The following BIRC3 variants were observed in gnomAD, a reference collection of about 807,000 sequenced individuals.
BIRC3 encodes baculoviral IAP repeat containing 3.
BIRC3 carries 26 observed loss-of-function variants against 59.0 expected under a neutral mutation model. That is an observed-to-expected ratio of 0.44 (90% CI 0.32 to 0.61). The LOEUF (loss-of-function observed/expected upper bound fraction) is 0.61, where lower values mean the gene tolerates loss of function less well. BIRC3 is among the 20% of genes least tolerant of loss of function. The probability of loss-of-function intolerance (pLI) is 0.04; values close to 1 mark genes in which losing one functional copy is unlikely to be tolerated. For missense variants in BIRC3, 641 were observed against 711.5 expected, an observed-to-expected ratio of 0.90 and a Z score of 1.13; for synonymous variants, 243 against 249.2, an observed-to-expected ratio of 0.98 and a Z score of 0.24.
At position 102,323,138 on chromosome 11, in the gene BIRC3, A is replaced by C. The variant is rs1591519578; in HGVS notation, c.-1372A>C. ...ACATTTAGAAAAACAAAAGTTCAAA[A>C]ATGTTTTCAGGAGGTGATAAGTTGA... On this transcript the variant is annotated 5_prime_UTR_variant, in exon 2 of 9. Transcript: ENST00000263464. 5.0e-6 allele frequency: 1 copy of C among 199,666 alleles called. No homozygotes were observed. Among genetic ancestry groups the C allele is most frequent in the Non-Finnish European group, 1.0e-5 (1 of 96,644 alleles). 12.4% of individuals were successfully genotyped at this position (199,666 alleles called of 1,614,324 possible). A position where few individuals can be genotyped will look rare whatever the true frequency, so the allele number is the denominator to read the frequency against.
chr11:102,330,087 A>G (rs1372777112), intron 5 of BIRC3, among the ~76,000 whole-genome samples: 3 of 152,216 alleles, frequency 2.0e-5, no homozygotes, highest in Non-Finnish European at 4.4e-5. Flanking sequence ...AGGACAATTA[A>G]CCCAGACTTG....
At chr11:102,330,226 C>T (rs953664956) in intron 5 of BIRC3, among the ~76,000 whole-genome samples, 1 of 152,106 alleles carries the variant, frequency 6.6e-6, no homozygotes. Flanking sequence ...ATATGAAAGA[C>T]CGAAGTGACA....
In BIRC3 at chr11:102,339,259, TG is replaced by T. The variant is rs1951231342; in HGVS notation, c.*2158del. The T allele has an allele frequency of 3.6e-5, 7 of 192,194 alleles. No individual in the cohort carries two copies. The highest frequency in any genetic ancestry group is 1.4e-4 in the African/African-American group (6 of 43,024). The allele number at this position is 192,194 out of a possible 1,614,324, so 11.9% of individuals were successfully genotyped here. On this transcript the variant is annotated 3_prime_UTR_variant, in exon 9 of 9. Transcript: ENST00000263464. ...TATACTACAGATAATATTTGAACTT[TG>T]TCATCTCACTGTAAAACTTTTGTTC...
At chr11:102,319,237 G>A (rs948048248) in intron 1 of BIRC3, among the ~76,000 whole-genome samples, 3 of 151,600 alleles carry the variant, frequency 2.0e-5, no homozygotes, top group Non-Finnish European at 2.9e-5. Context: ...TAGTAGAGAC[G>A]GGGTTTCACC....
chr11:102,320,430 G>A (rs186943599), intron 1 of BIRC3: 1 of 152,036 alleles, frequency 6.6e-6, no homozygotes, highest in Non-Finnish European at 1.5e-5. Context: ...GCTAATTTTT[G>A]AGTTTCTTTG....
At position 102,323,059 on chromosome 11, in the gene BIRC3, A is replaced by C. The variant is rs906427685; in HGVS notation, c.-1451A>C. On this transcript the variant is annotated 5_prime_UTR_variant, in exon 2 of 9. It removes the in-frame stop codon of an upstream open reading frame in the 5' UTR. Transcript: ENST00000263464. Reference sequence around the variant, plus strand: ...TACAGATGGCATCTGGTAACTTTTGACTGTTTTAAAAAATAAATCCACTAT... The same window carrying C: ...TACAGATGGCATCTGGTAACTTTTGCCTGTTTTAAAAAATAAATCCACTAT... The C allele has an allele frequency of 1.0e-5, 2 of 198,120 alleles. No individual in the cohort carries two copies. The highest frequency in any genetic ancestry group is 2.1e-5 in the Non-Finnish European group (2 of 95,726). The allele number at this position is 198,120 out of a possible 1,614,324, so 12.3% of individuals were successfully genotyped here.
intron 1 of BIRC3, among the ~76,000 whole-genome samples, chr11:102,319,408 G>A (rs544551273): frequency 2.6e-5 from 4 of 152,246 alleles, no homozygotes; most frequent in African/African-American, 9.6e-5. Flanking sequence ...ATGGTTATGT[G>A]AAAGGAAAAA....
rs1229888935 is a variant in BIRC3, at chr11:102,318,475, C to T, written c.-2674+904C>T. Among the ~76,000 whole-genome samples the T allele has an allele frequency of 3.3e-5, 5 of 152,202 alleles. No individual in the cohort carries two copies. In the East Asian group the frequency reaches 9.6e-4, roughly 29 times the overall value. ...CTTCAACGGGAAGTCTTCGTGTCTACCCCATATACCAAGCTCTGCAGATGC... is the reference window on the plus strand; with the variant it reads ...CTTCAACGGGAAGTCTTCGTGTCTATCCCATATACCAAGCTCTGCAGATGC... On this transcript the variant is annotated intron_variant, in intron 1 of 8. Transcript: ENST00000263464.
intron 6 of BIRC3, 30 bp downstream of exon 6, chr11:102,331,271 T>C: frequency 1.3e-6 from 2 of 1,572,300 alleles, no homozygotes; most frequent in Middle Eastern, 1.8e-4. Context: ...CAGTCTATTT[T>C]CATAAGGATT....
rs758591132 is a variant in BIRC3 at position 102,330,993 on chromosome 11, A to G, written c.1082-6A>G. Reference sequence around the variant, plus strand: ...TAATATGTGTTAAATTCTTTGTTCCATATAGTTATCCATTTTGAACCTGGA... The same window carrying G: ...TAATATGTGTTAAATTCTTTGTTCCGTATAGTTATCCATTTTGAACCTGGA... On this transcript the variant is annotated splice_polypyrimidine_tract_variant and splice_region_variant and intron_variant, in intron 5 of 8. Transcript: ENST00000263464. The G allele has an allele frequency of 1.2e-5, 19 of 1,607,138 alleles. No individual in the cohort carries two copies. In the Admixed American group the frequency reaches 1.5e-4, roughly 13 times the overall value.
At chr11:102,335,734 A>T (rs1951188826) in intron 6 of BIRC3, among the ~76,000 whole-genome samples, 1 of 152,054 alleles carries the variant, frequency 6.6e-6, no homozygotes, top group South Asian at 2.1e-4. Context: ...CTCCTACCTC[A>T]GCCTCCCAAG....
chr11:102,324,209 A>C lies in BIRC3; in HGVS notation c.-301A>C. On this transcript the variant is annotated 5_prime_UTR_variant, in exon 2 of 9. The change abolishes the stop of an existing upstream ORF in the 5' untranslated region. Transcript: ENST00000263464. ...CCATTAAATGGCATCCTGATGGCTT[A>C]ATACACATCACTCTTCTGTGAAGGG... The C allele has an allele frequency of 3.6e-6, 1 of 275,408 alleles. No homozygotes were observed. The highest frequency in any genetic ancestry group is 6.9e-6 in the Non-Finnish European group (1 of 145,646). 17.1% of individuals were successfully genotyped at this position (275,408 alleles called of 1,614,324 possible).
chr11:102,325,030 T>A lies in BIRC3; in HGVS notation c.521T>A (p.Leu174His). Residue 174 changes from leucine (L) to histidine (H), a missense_variant, in exon 2 of 9, where the codon CTT becomes CAT. This residue lies in a region of BIRC3 where 329 missense variants were observed against 365.6 expected (regional missense o/e 0.90). Transcript: ENST00000263464. The stretch of plus-strand genomic sequence containing the variant: ...ATGAATAACGAAAATGCCAGATTAC[T>A]TACTTTTCAGACATGGCCATTGACT... ...CAMNNENARLLTFQTWPLTFL... is the reference protein window; with the variant it reads ...CAMNNENARLHTFQTWPLTFL... 6.2e-7 allele frequency: 1 copy of A among 1,614,220 alleles called. No individual in the cohort carries two copies. Among genetic ancestry groups the A allele is most frequent in the South Asian group, 1.1e-5 (1 of 91,086 alleles).
chr11:102,325,396 T>C lies in BIRC3; in HGVS notation c.853+34T>C, dbSNP rs1231652779. On this transcript the variant is annotated intron_variant, in intron 2 of 8. Transcript: ENST00000263464. ...CTGAATCTGCTAATTAAAAAAAATA[T>C]ATTTCATTTTATACATTTTAGTGGG... 3 of 1,581,834 alleles carry C rather than the reference T, an allele frequency of 1.9e-6. No homozygotes were observed. In the East Asian group the frequency reaches 6.7e-5, roughly 35 times the overall value.
At chr11:102,321,547 G>A (rs1360136652) in intron 1 of BIRC3, among the ~76,000 whole-genome samples, 1 of 152,056 alleles carries the variant, frequency 6.6e-6, no homozygotes, top group Non-Finnish European at 1.5e-5. Flanking sequence ...TAGAGATGGG[G>A]TTTCACCATT....
intron 6 of BIRC3, among the ~76,000 whole-genome samples, chr11:102,331,910 G>A (rs144152040): frequency 4.0e-4 from 61 of 152,142 alleles, no homozygotes; most frequent in African/African-American, 1.4e-3. Context: ...CAAAGTGCTG[G>A]GATTACAGGC....
Position 102,328,914 on chromosome 11 carries a change from C to A in BIRC3, c.1050C>A (p.Asp350Glu). Residue 350 changes from aspartate to glutamate, a missense_variant, in exon 5 of 9, where the codon GAC becomes GAA. By Grantham distance (45) the Asp-to-Glu change is conservative (BLOSUM62 2). Transcript: ENST00000263464. ...TTCTGCAGCTGCTATCCACATCAGA[C>A]AGCCCAGGAGATGAAAATGCAGAGT... ...HLLEQLLSTS[D>E]SPGDENAESS... 7.2e-7 allele frequency: 1 copy of A among 1,386,458 alleles called. No individual in the cohort carries two copies. The highest frequency in any genetic ancestry group is 9.4e-7 in the Non-Finnish European group (1 of 1,063,240). The allele number at this position is 1,386,458 out of a possible 1,614,324, so 85.9% of individuals were successfully genotyped here. A position where few individuals can be genotyped will look rare whatever the true frequency, so the allele number is the denominator to read the frequency against.
intron 7 of BIRC3, 190 bp from the exon 8 acceptor site, chr11:102,336,570 G>T: frequency 4.8e-6 from 3 of 626,030 alleles, no homozygotes; most frequent in South Asian, 2.2e-5. Flanking sequence ...CTCCAGCTTG[G>T]GTGACAGACT....
rs535979650 is a variant in BIRC3, at chr11:102,333,736, A to T, written c.1325-2230A>T. Among the ~76,000 whole-genome samples, 5 of 152,230 alleles carry T rather than the reference A, an allele frequency of 3.3e-5. No homozygotes were observed. The East Asian group carries it at 7.7e-4, about 23-fold the overall frequency. ...ACTCCAGCCTGGGTGACAGAGCAAG[A>T]CTCTGTTTTAAAAATGAATAAATAA... is the stretch of plus-strand genomic sequence containing the variant. On this transcript the variant is annotated intron_variant, in intron 6 of 8. Coordinates refer to ENST00000263464, the MANE Select transcript of BIRC3 (RefSeq NM_001165.5).
Sources: gnomAD v4.1 joint callset for allele counts (sites outside exome capture counted in the v4.1 genomes callset) on GRCh38, gnomAD v4.1.1 for gene constraint, gnomAD v4.1.1 regional missense constraint, MANE v1.5 for transcripts, NCBI Gene and HGNC (gene_info 2026-07-23, HGNC 2026-07-21) for gene names.